KCTD1: variants seen among roughly 807,000 people sequenced by gnomAD.
KCTD1 encodes potassium channel tetramerization domain containing 1.
In KCTD1, 24 loss-of-function variants were observed where a neutral mutation model predicts 66.0. The ratio of observed to expected loss-of-function variants is 0.36; its 90% CI spans 0.26 to 0.51. The LOEUF is 0.51. Among genes scored for constraint, KCTD1 ranks in the 20% least tolerant of loss-of-function variants. The probability of loss-of-function intolerance (pLI) is 0.95; values close to 1 mark genes in which losing one functional copy is unlikely to be tolerated. For synonymous variants in KCTD1, 511 were observed against 517.2 expected (o/e 0.99, Z 0.16); for missense variants, 943 against 1,205.2 (o/e 0.78, Z 3.22).
chr18:26,538,839 T>A (rs1984836631), intron 1 of KCTD1, among the ~76,000 whole-genome samples: 1 of 152,190 alleles, frequency 6.6e-6, no homozygotes, highest in South Asian at 2.1e-4. Context: ...CTCTGGAGTC[T>A]GTTCTTAACC....
intron 1 of KCTD1, among the ~76,000 whole-genome samples, chr18:26,561,545 A>G (rs973745334): frequency 1.3e-5 from 2 of 152,062 alleles, no homozygotes; most frequent in African/African-American, 2.4e-5. Flanking sequence ...AAACCAACAC[A>G]ATGGTCTTCT....
At chr18:26,521,816 G>A (rs565261234) in intron 1 of KCTD1, among the ~76,000 whole-genome samples, 2 of 152,262 alleles carry the variant, frequency 1.3e-5, no homozygotes, top group South Asian at 4.2e-4. Flanking sequence ...TGCCGGCTGG[G>A]ACATGGGAGG....
In KCTD1 at chr18:26,548,138, G is replaced by T. The variant is rs1350634177; in HGVS notation, c.399C>A (p.Pro133=). ...GCGCCAGCAGTCGCGGCGGCGCCTCGGGCTCCAGCGCGGCGCTCTGGTCCA... is the reference window on the plus strand; with the variant it reads ...GCGCCAGCAGTCGCGGCGGCGCCTCTGGCTCCAGCGCGGCGCTCTGGTCCA... ...INMDQSAALE[P]EAPPRLLAPR... is the part of the protein sequence containing the mutation. Residue 133 remains proline (P), a synonymous_variant, in exon 1 of 5, where the codon CCC becomes CCA. Transcript: ENST00000580059. The T allele has an allele frequency of 1.5e-6, 2 of 1,332,470 alleles. No individual in the cohort carries two copies. The highest frequency in any genetic ancestry group is 1.9e-6 in the Non-Finnish European group (2 of 1,049,236). 82.5% of individuals were successfully genotyped at this position (1,332,470 alleles called of 1,614,324 possible).
At chr18:26,540,093 A>G (rs1174496863) in intron 1 of KCTD1, among the ~76,000 whole-genome samples, 2 of 152,140 alleles carry the variant, frequency 1.3e-5, no homozygotes, top group African/African-American at 2.4e-5. Flanking sequence ...GTTAAGACAG[A>G]AAGGATGGGG....
chr18:26,641,219 A>G (rs982462957), upstream of KCTD1, among the ~76,000 whole-genome samples: 4 of 152,042 alleles, frequency 2.6e-5, no homozygotes, highest in African/African-American at 9.7e-5. Context: ...CCCCGCTGTC[A>G]TTTACCACGT....
intron 1 of KCTD1, among the ~76,000 whole-genome samples, chr18:26,528,990 T>C (rs1404712112): frequency 6.6e-6 from 1 of 152,162 alleles, no homozygotes; most frequent in Non-Finnish European, 1.5e-5. Context: ...ACTGATGAAA[T>C]TCCAAATTTA....
chr18:26,499,284 T>C (rs1332890339), intron 2 of KCTD1, among the ~76,000 whole-genome samples: 1 of 152,236 alleles, frequency 6.6e-6, no homozygotes, highest in Non-Finnish European at 1.5e-5. Flanking sequence ...ATGGTGGTAT[T>C]AACAGAGGGT....
intron 1 of KCTD1, among the ~76,000 whole-genome samples, chr18:26,502,339 G>A (rs1598901299): frequency 6.6e-6 from 1 of 152,228 alleles, no homozygotes; most frequent in East Asian, 1.9e-4. Context: ...GTGAGCCACC[G>A]TGCCCAGCCC....
Position 26,618,106 on chromosome 18 carries a change from AC to A in KCTD1, c.-16+11040del, listed in dbSNP as rs375190987. On this transcript the variant is annotated intron_variant, in intron 1 of 4. Transcript: ENST00000317932. ...TAAGAAGACCTAGGTTTAAAAAAAAACAAAAAAGACTCTGGCACTCAAAGCC... is the reference window on the plus strand; with the variant it reads ...TAAGAAGACCTAGGTTTAAAAAAAAAAAAAAAGACTCTGGCACTCAAAGCC... Among the ~76,000 whole-genome samples, 765 of 148,118 alleles carry A rather than the reference AC, an allele frequency of 5.2e-3. 3 individuals carry two copies. The highest frequency in any genetic ancestry group is 7.2e-3 in the Middle Eastern group (2 of 278).
chr18:26,604,591 C>T lies in KCTD1; in HGVS notation c.-16+24556G>A, dbSNP rs143125740. 1.0e-3 allele frequency among the ~76,000 whole-genome samples: 152 copies of T among 152,338 alleles called. 2 individuals are homozygous for T. In the East Asian group the frequency reaches 0.024, roughly 25 times the overall value. ...AAAATGAGATCATGTCTTGCAGGAA[C>T]ATAAATGGAGCTGGAGGCTATTATC... is the stretch of plus-strand genomic sequence containing the variant. On this transcript the variant is annotated intron_variant, in intron 1 of 4. Coordinates refer to the KCTD1 transcript ENST00000317932.
At chr18:26,495,433 C>T (rs997308802) in intron 2 of KCTD1, among the ~76,000 whole-genome samples, 1 of 152,248 alleles carries the variant, frequency 6.6e-6, no homozygotes, top group East Asian at 1.9e-4. Flanking sequence ...TGACGCACGC[C>T]AAAAGCTGGA....
chr18:26,585,251 C>T (rs1447337281), intron 1 of KCTD1, among the ~76,000 whole-genome samples: 1 of 152,186 alleles, frequency 6.6e-6, no homozygotes, highest in Non-Finnish European at 1.5e-5. Context: ...GCAACTAATG[C>T]CTTTTAACAA....
chr18:26,494,860 T>C (rs1009206013), intron 2 of KCTD1, among the ~76,000 whole-genome samples: 3 of 152,216 alleles, frequency 2.0e-5, no homozygotes, highest in Non-Finnish European at 4.4e-5. Flanking sequence ...CATCATTTTA[T>C]GCGTTTCCTT....
rs1331359702 is a variant in KCTD1 at position 26,481,860 on chromosome 18, T to A, written c.1989-5201A>T. ...GGAATGAAGCCCAGGCATCTGTATT[T>A]TTTTTAAAAAAAACTCTCCAAGTCT... On this transcript the variant is annotated intron_variant, in intron 2 of 4. Coordinates refer to ENST00000580059, the MANE Select transcript of KCTD1 (RefSeq NM_001142730.3). 3.3e-5 allele frequency among the ~76,000 whole-genome samples: 5 copies of A among 152,278 alleles called. No individual in the cohort carries two copies. The East Asian group carries it at 7.7e-4, about 23-fold the overall frequency.
intron 1 of KCTD1, among the ~76,000 whole-genome samples, chr18:26,576,895 G>A (rs1045025105): frequency 2.0e-5 from 3 of 152,140 alleles, no homozygotes; most frequent in Non-Finnish European, 4.4e-5. Flanking sequence ...AAAATGAAGA[G>A]TGAAACTGCC....
chr18:26,623,977 T>C (rs1342539096), intron 1 of KCTD1, among the ~76,000 whole-genome samples: 1 of 152,154 alleles, frequency 6.6e-6, no homozygotes, highest in Non-Finnish European at 1.5e-5. Flanking sequence ...GGTGAGGTGG[T>C]CTCAAATGGA....
intron 1 of KCTD1, among the ~76,000 whole-genome samples, chr18:26,525,000 T>C (rs146908293): frequency 6.6e-4 from 100 of 152,248 alleles, no homozygotes; most frequent in Non-Finnish European, 1.2e-3. Flanking sequence ...CTGGAAAGAA[T>C]GCTGAATATC....
At chr18:26,480,014 C>G (rs1981551966) in intron 2 of KCTD1, among the ~76,000 whole-genome samples, 1 of 150,698 alleles carries the variant, frequency 6.6e-6, no homozygotes, top group African/African-American at 2.4e-5. Flanking sequence ...CAAGCTGGCT[C>G]CAGACGATGT....
At chr18:26,528,597 G>T (rs111752700) in intron 1 of KCTD1, among the ~76,000 whole-genome samples, 269 of 152,234 alleles carry the variant, frequency 1.8e-3, no homozygotes, top group Middle Eastern at 0.01. Context: ...CAGTCAAACT[G>T]GAGCCATGTT....
Sources: allele counts gnomAD v4.1 joint callset (sites outside exome capture counted in the v4.1 genomes callset), GRCh38; gene constraint gnomAD v4.1.1; transcripts MANE v1.5; gene names NCBI Gene and HGNC (gene_info 2026-07-23, HGNC 2026-07-21).